RSRC1: variants seen among roughly 807,000 people sequenced by gnomAD.
RSRC1 encodes serine/Arginine-related protein 53.
In RSRC1, 39 loss-of-function variants were observed where a neutral mutation model predicts 49.1. The ratio of observed to expected loss-of-function variants is 0.79; its 90% confidence interval spans 0.61 to 1.04. RSRC1 has a LOEUF of 1.04. Among genes scored for constraint, RSRC1 ranks in the 50% least tolerant of loss-of-function variants. The pLI, the probability that RSRC1 is intolerant of heterozygous loss-of-function variation, is 0.00. For synonymous variants in RSRC1, 143 were observed against 130.8 expected (o/e 1.09, Z -0.63); for missense variants, 388 against 402.4 (o/e 0.96, Z 0.31).
At chr3:158,456,738 A>C (rs1737345823) in intron 6 of RSRC1, among the ~76,000 whole-genome samples, 1 of 152,176 alleles carries the variant, frequency 6.6e-6, no homozygotes, top group South Asian at 2.1e-4. Context: ...TAGCAATTCA[A>C]ACAAAAGGTA....
At chr3:158,433,600 A>G (rs990789034) in intron 6 of RSRC1, among the ~76,000 whole-genome samples, 3 of 151,960 alleles carry the variant, frequency 2.0e-5, no homozygotes, top group Non-Finnish European at 4.4e-5. Flanking sequence ...TAGCACACAT[A>G]TTACTTAGTA....
At chr3:158,465,828 CAT>C (rs1255991174) in intron 7 of RSRC1, among the ~76,000 whole-genome samples, 1 of 151,972 alleles carries the variant, frequency 6.6e-6, no homozygotes, top group Non-Finnish European at 1.5e-5. Context: ...AGTTTTTTAA[CAT>C]ATTAGCTCTA....
chr3:158,378,046 A>G (rs1318013333), intron 6 of RSRC1, among the ~76,000 whole-genome samples: 4 of 152,086 alleles, frequency 2.6e-5, no homozygotes, highest in Non-Finnish European at 4.4e-5. Flanking sequence ...CTGAGTTTTC[A>G]GGTTGGATCA....
At chr3:158,449,782 G>C (rs1736919336) in intron 6 of RSRC1, among the ~76,000 whole-genome samples, 1 of 151,862 alleles carries the variant, frequency 6.6e-6, no homozygotes, top group Admixed American at 6.6e-5. Flanking sequence ...TCTTTCTTGA[G>C]TTCTAGTCAT....
chr3:158,307,084 C>T (rs1727877749), intron 5 of RSRC1, among the ~76,000 whole-genome samples: 1 of 150,876 alleles, frequency 6.6e-6, no homozygotes, highest in Admixed American at 6.6e-5. Context: ...CTTGAGCTTC[C>T]AGTGGAATCA....
Position 158,408,176 on chromosome 3 carries a change from C to A in RSRC1, c.584-52759C>A, listed in dbSNP as rs566777699. On this transcript the variant is annotated intron_variant, in intron 6 of 9. Coordinates refer to ENST00000611884, the MANE Select transcript of RSRC1 (RefSeq NM_001271838.2). ...ATACTGAGATTGGCTCTAGATACAC[C>A]TTCCTCAGCTCGTTCACTGAGCCAT... Among the ~76,000 whole-genome samples, 7 of 152,298 alleles carry A rather than the reference C, an allele frequency of 4.6e-5. No individual in the cohort carries two copies. The East Asian group carries it at 1.3e-3, about 29-fold the overall frequency.
intron 5 of RSRC1, among the ~76,000 whole-genome samples, chr3:158,341,072 G>T (rs1379254193): frequency 6.6e-6 from 1 of 152,158 alleles, no homozygotes; most frequent in Non-Finnish European, 1.5e-5. Flanking sequence ...CATTCAAGAG[G>T]TGACTTGGGT....
chr3:158,362,211 A>G (rs940038644), intron 6 of RSRC1, among the ~76,000 whole-genome samples: 17 of 152,106 alleles, frequency 1.1e-4, no homozygotes, highest in African/African-American at 3.1e-4. Context: ...ATGGTGGCAC[A>G]TGCTTCTGGT....
intron 3 of RSRC1, among the ~76,000 whole-genome samples, chr3:158,185,501 A>G (rs1291855930): frequency 6.6e-6 from 1 of 151,914 alleles, no homozygotes; most frequent in African/African-American, 2.4e-5. Flanking sequence ...ATAATAATAA[A>G]TATAGCCAAC....
At chr3:158,274,088 A>G (rs1041564142) in intron 4 of RSRC1, among the ~76,000 whole-genome samples, 1 of 152,156 alleles carries the variant, frequency 6.6e-6, no homozygotes, top group South Asian at 2.1e-4. Flanking sequence ...GGCATTGTTT[A>G]TGTATTTTAA....
chr3:158,131,465 C>A (rs1716020193), intron 3 of RSRC1, among the ~76,000 whole-genome samples: 1 of 151,750 alleles, frequency 6.6e-6, no homozygotes, highest in African/African-American at 2.4e-5. Flanking sequence ...TGTTTTATTG[C>A]CTAATGTGGA....
rs141663963 is a variant in RSRC1, at chr3:158,140,422, T to A, written c.320+16431T>A. On this transcript the variant is annotated intron_variant, in intron 3 of 9. Coordinates refer to ENST00000611884, the MANE Select transcript of RSRC1 (RefSeq NM_001271838.2). ...CTGTTTCCGATATGCACTCTGCTAA[T>A]GGCCACTATTACCATTGGCCTTTCT... 9.1e-3 allele frequency among the ~76,000 whole-genome samples: 1,386 copies of A among 152,348 alleles called. 20 individuals carry two copies. Among genetic ancestry groups the A allele is most frequent in the Non-Finnish European group, 0.011 (745 of 68,028 alleles).
chr3:158,530,931 TAAA>T (rs564197735), intron 7 of RSRC1, among the ~76,000 whole-genome samples: 11 of 123,544 alleles, frequency 8.9e-5, no homozygotes, highest in South Asian at 5.4e-4. Context: ...AAAAGAAACT[TAAA>T]AAAAAAAAAA....
chr3:158,465,007 C>G (rs1417344369), intron 7 of RSRC1, among the ~76,000 whole-genome samples: 2 of 152,146 alleles, frequency 1.3e-5, no homozygotes, highest in African/African-American at 4.8e-5. Flanking sequence ...GCCTTCCTCT[C>G]TGGAGCCTGC....
intron 3 of RSRC1, among the ~76,000 whole-genome samples, chr3:158,162,678 T>C (rs1007381881): frequency 2.0e-5 from 3 of 152,174 alleles, no homozygotes; most frequent in African/African-American, 7.2e-5. Flanking sequence ...TGGAGGAAAT[T>C]TGTTTTGACC....
intron 4 of RSRC1, among the ~76,000 whole-genome samples, chr3:158,231,558 G>A (rs1053974763): frequency 7.9e-5 from 12 of 152,080 alleles, no homozygotes; most frequent in African/African-American, 2.4e-4. Flanking sequence ...TGTGTAACTC[G>A]CTTGTGGCCA....
At chr3:158,513,048 A>T (rs1740278867) in intron 7 of RSRC1, among the ~76,000 whole-genome samples, 1 of 138,938 alleles carries the variant, frequency 7.2e-6, no homozygotes, top group Non-Finnish European at 1.6e-5. Flanking sequence ...ATATACAATC[A>T]TGTCGTCTGC....
chr3:158,223,197 C>T (rs1370332492), intron 4 of RSRC1, among the ~76,000 whole-genome samples: 1 of 151,598 alleles, frequency 6.6e-6, no homozygotes, highest in Non-Finnish European at 1.5e-5. Flanking sequence ...GAAATACCTT[C>T]CTCTCTTGAT....
At chr3:158,212,595 A>G (rs1721744127) in intron 4 of RSRC1, among the ~76,000 whole-genome samples, 1 of 151,878 alleles carries the variant, frequency 6.6e-6, no homozygotes, top group African/African-American at 2.4e-5. Flanking sequence ...TTGATTTTGT[A>G]TATGGTTACA....
Sources: gnomAD v4.1 joint callset for allele counts (sites outside exome capture counted in the v4.1 genomes callset) on GRCh38, gnomAD v4.1.1 for gene constraint, MANE v1.5 for transcripts, NCBI Gene and HGNC (gene_info 2026-07-23, HGNC 2026-07-21) for gene names.